TGFBR3: variants seen among roughly 807,000 people sequenced by gnomAD.
TGFBR3 encodes the protein transforming growth factor beta receptor 3.
A neutral mutation model predicts 87.9 loss-of-function variants in TGFBR3; 46 were observed. That is an observed-to-expected ratio of 0.52 (90% CI 0.41 to 0.67). The LOEUF is 0.67. Among genes scored for constraint, TGFBR3 ranks in the 30% least tolerant of loss-of-function variants. The pLI, the probability that TGFBR3 is intolerant of heterozygous loss-of-function variation, is 0.00. For synonymous variants in TGFBR3, 381 were observed against 391.6 expected (o/e 0.97, Z 0.32); for missense variants, 866 against 1,041.9 (o/e 0.83, Z 2.32).
intron 1 of TGFBR3, among the ~76,000 whole-genome samples, chr1:91,873,282 C>CT (rs34364302): frequency 0.33 from 32,957 of 100,954 alleles, 6,060 homozygotes; most frequent in East Asian, 0.58. Context: ...ATTTTCCCTT[C>CT]TTTTTTTTTT....
At chr1:91,832,541 G>T (rs1220267087) in intron 2 of TGFBR3, among the ~76,000 whole-genome samples, 1 of 152,178 alleles carries the variant, frequency 6.6e-6, no homozygotes, top group Non-Finnish European at 1.5e-5. Flanking sequence ...GCACTTTACA[G>T]ATGAAAGAAC....
At chr1:91,889,923 C>T (rs1679410950), upstream of TGFBR3, among the ~76,000 whole-genome samples, 1 of 152,160 alleles carries the variant, frequency 6.6e-6, no homozygotes, top group African/African-American at 2.4e-5. Context: ...TGGCCTCCCA[C>T]AGTGTTGGGA....
Position 91,698,078 on chromosome 1 carries a change from TAAAG to T in TGFBR3, c.2329+7_2329+10del. 6.2e-7 allele frequency: 1 copy of T among 1,613,654 alleles called. No homozygotes were observed. The highest frequency in any genetic ancestry group is 8.5e-7 in the Non-Finnish European group (1 of 1,179,538). On this transcript the variant is annotated splice_region_variant and intron_variant, in intron 15 of 16. Transcript: ENST00000212355. ...GAGGTTTTATTTCGAAATAGTTGCA[TAAAG>T]ACTTACGTGGAGAAATTGGATTTGG...
intron 2 of TGFBR3, among the ~76,000 whole-genome samples, chr1:91,805,185 C>A (rs1026723429): frequency 2.6e-5 from 4 of 152,158 alleles, no homozygotes; most frequent in Non-Finnish European, 5.9e-5. Flanking sequence ...GGATTCACCT[C>A]CAGAGACAAT....
chr1:91,902,268 C>CTTTTT (rs141866290), intron 1 of TGFBR3, among the ~76,000 whole-genome samples: 45,703 of 125,104 alleles, frequency 0.37, 8,245 homozygotes, highest in Admixed American at 0.48. Context: ...CTTTCCTTTT[C>CTTTTT]TTTTGTGTGT....
At chr1:91,808,813 A>C (rs775389921) in intron 2 of TGFBR3, among the ~76,000 whole-genome samples, 7 of 152,156 alleles carry the variant, frequency 4.6e-5, no homozygotes, top group African/African-American at 1.2e-4. Context: ...TATTCTTCTC[A>C]CAAGAAGGAA....
intron 2 of TGFBR3, among the ~76,000 whole-genome samples, chr1:91,898,446 GTTT>G (rs143942076): frequency 6.6e-6 from 1 of 151,530 alleles, no homozygotes; most frequent in Non-Finnish European, 1.5e-5. Flanking sequence ...TGGTTTTTCT[GTTT>G]TTTTTGAGAT....
chr1:91,889,952 G>C (rs984923882), upstream of TGFBR3, among the ~76,000 whole-genome samples: 3 of 152,112 alleles, frequency 2.0e-5, no homozygotes, highest in Admixed American at 6.6e-5. Flanking sequence ...GTGAGCTGCC[G>C]TGCCCAGTTG....
chr1:91,843,776 G>A (rs1305735748), intron 2 of TGFBR3, among the ~76,000 whole-genome samples: 3 of 152,202 alleles, frequency 2.0e-5, no homozygotes, highest in Middle Eastern at 3.4e-3. Context: ...ACTAGTGCAC[G>A]ATCCTGACTC....
At chr1:91,833,904 G>C (rs776333828) in intron 2 of TGFBR3, among the ~76,000 whole-genome samples, 2 of 151,836 alleles carry the variant, frequency 1.3e-5, no homozygotes, top group Non-Finnish European at 2.9e-5. Context: ...AAGAAAGAAA[G>C]AAACAAAGAA....
At chr1:91,834,463 A>G (rs1235444688) in intron 2 of TGFBR3, among the ~76,000 whole-genome samples, 4 of 152,198 alleles carry the variant, frequency 2.6e-5, no homozygotes, top group Non-Finnish European at 1.5e-5. Flanking sequence ...TTCCTGCACT[A>G]AAGTGAAAAT....
intron 12 of TGFBR3, 142 bp downstream of exon 12, chr1:91,716,094 C>G: frequency 1.0e-6 from 1 of 1,001,084 alleles, no homozygotes; most frequent in Non-Finnish European, 1.5e-6. Flanking sequence ...TGGAAGCGTT[C>G]TCTGAGCCAA....
At chr1:91,731,644 A>G (rs939536020) in intron 5 of TGFBR3, among the ~76,000 whole-genome samples, 2 of 152,190 alleles carry the variant, frequency 1.3e-5, no homozygotes, top group Non-Finnish European at 2.9e-5. Context: ...ATTAAGAAAG[A>G]GCGTCTATGG....
At chr1:91,865,913 CA>C (rs11330651) in intron 1 of TGFBR3, among the ~76,000 whole-genome samples, 71,490 of 108,662 alleles carry the variant, frequency 0.66, 19,847 homozygotes, top group Middle Eastern at 0.74. Context: ...CTACGTCTCC[CA>C]AAAAAAAAAA....
At position 91,892,472 on chromosome 1, in the gene TGFBR3, A is replaced by C. The variant is rs142887128; in HGVS notation, c.-114+7165T>G. Reference sequence around the variant, plus strand: ...TGTGCTCAGGGGGACAAAAAAAGACAAGGGGCACCCGGAACATATATTAAT... The same window carrying C: ...TGTGCTCAGGGGGACAAAAAAAGACCAGGGGCACCCGGAACATATATTAAT... On this transcript the variant is annotated intron_variant, in intron 2 of 17. Coordinates refer to the TGFBR3 transcript ENST00000370399. Among the ~76,000 whole-genome samples, 454 of 152,378 alleles carry C rather than the reference A, an allele frequency of 3.0e-3. 3 individuals carry two copies. Among genetic ancestry groups the C allele is most frequent in the Admixed American group, 9.1e-3 (140 of 15,302 alleles).
intron 2 of TGFBR3, among the ~76,000 whole-genome samples, chr1:91,835,689 G>A (rs1021420451): frequency 9.2e-5 from 14 of 151,826 alleles, no homozygotes; most frequent in African/African-American, 2.4e-4. Context: ...TTAGCCGGGC[G>A]TGGTGGCGGA....
chr1:91,852,247 G>A (rs1279593796), intron 2 of TGFBR3, among the ~76,000 whole-genome samples: 1 of 151,096 alleles, frequency 6.6e-6, no homozygotes, highest in Non-Finnish European at 1.5e-5. Context: ...CCCTGTCTCA[G>A]GGAAAAAAAA....
At chr1:91,695,926 G>A (rs1007044932) in intron 15 of TGFBR3, 147 bp from the exon 16 acceptor site, 1 of 725,632 alleles carries the variant, frequency 1.4e-6, no homozygotes, top group African/African-American at 1.8e-5. Context: ...AAAATACACT[G>A]TATTTTGTAA....
intron 1 of TGFBR3, among the ~76,000 whole-genome samples, chr1:91,880,324 G>A (rs1193079577): frequency 6.6e-6 from 1 of 152,114 alleles, no homozygotes; most frequent in East Asian, 1.9e-4. Flanking sequence ...AATATGGCCG[G>A]GCGCGATGGC....
Sources: gnomAD v4.1 joint callset for allele counts (sites outside exome capture counted in the v4.1 genomes callset) on GRCh38, gnomAD v4.1.1 for gene constraint, MANE v1.5 for transcripts, NCBI Gene and HGNC (gene_info 2026-07-23, HGNC 2026-07-21) for gene names.